COBL: variants seen among roughly 807,000 people sequenced by gnomAD.
COBL encodes cordon-bleu WH2 repeat protein.
A neutral mutation model predicts 98.8 loss-of-function variants in COBL; 51 were observed. The ratio of observed to expected loss-of-function variants is 0.52; its 90% confidence interval spans 0.41 to 0.65. The LOEUF (loss-of-function observed/expected upper bound fraction) is 0.65, where lower values mean the gene tolerates loss of function less well. COBL is among the 30% of genes least tolerant of loss of function. The pLI, the probability that COBL is intolerant of heterozygous loss-of-function variation, is 0.00. For missense variants in COBL, 1,617 were observed against 1,617.5 expected, an observed-to-expected ratio of 1.00 and a Z score of 0.01; for synonymous variants, 634 against 651.7, an observed-to-expected ratio of 0.97 and a Z score of 0.41.
At chr7:51,130,066 G>A (rs912480159) in intron 6 of COBL, among the ~76,000 whole-genome samples, 8 of 152,162 alleles carry the variant, frequency 5.3e-5, no homozygotes, top group Non-Finnish European at 7.3e-5. Context: ...AGGAAAACAG[G>A]CAGGATTCCC....
intron 12 of COBL, among the ~76,000 whole-genome samples, chr7:51,024,277 C>A (rs1787271149): frequency 6.6e-6 from 1 of 151,924 alleles, no homozygotes; most frequent in Admixed American, 6.6e-5. Flanking sequence ...TCACTGCACT[C>A]CAACCTGGGC....
At chr7:51,024,249 C>A (rs1787263758) in intron 12 of COBL, among the ~76,000 whole-genome samples, 1 of 152,144 alleles carries the variant, frequency 6.6e-6, no homozygotes, top group African/African-American at 2.4e-5. Flanking sequence ...GCGGAGCTTG[C>A]AGTGAGCCGA....
rs1423238613 is a variant in COBL, at chr7:51,029,120, C to G, written c.1976G>C (p.Arg659Thr). The change falls in exon 10 of 13, where the codon AGG becomes ACG. Residue 659 changes from arginine (R) to threonine (T), a missense_variant. Transcript: ENST00000265136. ...DKVYGCADGE[R>T]TQATERVNSQ... Reference sequence around the variant, plus strand: ...ATTCACTCTCTCTGTGGCTTGAGTCCTCTCCCCGTCAGCACAGCCATACAC... The same window carrying G: ...ATTCACTCTCTCTGTGGCTTGAGTCGTCTCCCCGTCAGCACAGCCATACAC... 6.2e-7 allele frequency: 1 copy of G among 1,614,158 alleles called. No individual in the cohort carries two copies. Among genetic ancestry groups the G allele is most frequent in the African/African-American group, 1.3e-5 (1 of 75,042 alleles).
chr7:51,295,285 C>CAAAA (rs10628772), intron 1 of COBL, among the ~76,000 whole-genome samples: 23 of 137,776 alleles, frequency 1.7e-4, no homozygotes, highest in African/African-American at 5.9e-4. Context: ...GACTCTGGCT[C>CAAAA]AAAAAAAAAA....
chr7:51,316,598 C>T lies in COBL; in HGVS notation c.36G>A (p.Pro12=). 8.3e-7 allele frequency: 1 copy of T among 1,205,186 alleles called. No homozygotes were observed. Among genetic ancestry groups the T allele is most frequent in the Non-Finnish European group, 1.0e-6 (1 of 971,074 alleles). 74.7% of individuals were successfully genotyped at this position (1,205,186 alleles called of 1,614,324 possible). ...DAPRASAAKP[P]TGRKMKARAP... ...CCGACCGCGGGGCCGCTTACCCGGT[C>T]GGGGGCTTGGCCGCCGAGGCGCGCG... Residue 12 remains proline (P), a synonymous_variant, in exon 1 of 13, where the codon CCG becomes CCA. Transcript: ENST00000265136.
intron 1 of COBL, among the ~76,000 whole-genome samples, chr7:51,231,914 G>A (rs923005498): frequency 2.0e-5 from 3 of 152,088 alleles, no homozygotes; most frequent in African/African-American, 2.4e-5. Flanking sequence ...GCAGCACCTC[G>A]GGGGGAGGGG....
intron 2 of COBL, among the ~76,000 whole-genome samples, chr7:51,208,097 T>C (rs1309938475): frequency 7.1e-6 from 1 of 140,104 alleles, no homozygotes; most frequent in Admixed American, 7.1e-5. Flanking sequence ...GTCTGGAATG[T>C]GAGGAGCGCC....
chr7:51,068,145 C>T (rs1024414700), intron 7 of COBL, among the ~76,000 whole-genome samples: 5 of 152,186 alleles, frequency 3.3e-5, no homozygotes, highest in African/African-American at 7.2e-5. Flanking sequence ...TTTTGGTAAA[C>T]ATGGTTTAAA....
intron 5 of COBL, among the ~76,000 whole-genome samples, chr7:51,180,047 G>A (rs1788785463): frequency 6.6e-6 from 1 of 152,164 alleles, no homozygotes; most frequent in African/African-American, 2.4e-5. Context: ...CATTCTACCT[G>A]ATTTCTCCAA....
chr7:51,241,496 T>C (rs955928158), intron 1 of COBL, among the ~76,000 whole-genome samples: 3 of 152,070 alleles, frequency 2.0e-5, no homozygotes, highest in African/African-American at 4.8e-5. Flanking sequence ...AAACCAATGC[T>C]CCTCGGCCGT....
chr7:51,058,024 A>G (rs959319105), intron 7 of COBL, among the ~76,000 whole-genome samples: 5 of 152,234 alleles, frequency 3.3e-5, no homozygotes, highest in Non-Finnish European at 5.9e-5. Context: ...TCATATAGAA[A>G]GTAAGGAAAA....
At chr7:51,250,133 A>G (rs1352802164) in intron 1 of COBL, among the ~76,000 whole-genome samples, 1 of 151,926 alleles carries the variant, frequency 6.6e-6, no homozygotes, top group African/African-American at 2.4e-5. Flanking sequence ...AATACAGAGT[A>G]GACACTCCCT....
chr7:51,020,453 C>T (rs889774227), intron 12 of COBL, among the ~76,000 whole-genome samples: 3 of 152,146 alleles, frequency 2.0e-5, no homozygotes, highest in African/African-American at 4.8e-5. Flanking sequence ...CGACAGTGCC[C>T]GGACCCTAGT....
intron 6 of COBL, among the ~76,000 whole-genome samples, chr7:51,128,964 C>T (rs542354997): frequency 2.6e-4 from 40 of 152,334 alleles, no homozygotes; most frequent in African/African-American, 4.6e-4. Context: ...CTCTGGCACT[C>T]GCACTTTTCA....
At chr7:51,049,719 G>A (rs1445868350) in intron 7 of COBL, among the ~76,000 whole-genome samples, 1 of 152,200 alleles carries the variant, frequency 6.6e-6, no homozygotes, top group Non-Finnish European at 1.5e-5. Flanking sequence ...ATGGGAAAAA[G>A]CAGAGAAATG....
At chr7:51,291,393 A>C (rs1224500332) in intron 1 of COBL, among the ~76,000 whole-genome samples, 2 of 152,244 alleles carry the variant, frequency 1.3e-5, no homozygotes, top group East Asian at 3.8e-4. Flanking sequence ...GGGAAATTTA[A>C]GTATGGACAG....
intron 7 of COBL, among the ~76,000 whole-genome samples, chr7:51,083,553 G>A (rs1159889805): frequency 2.0e-5 from 3 of 152,270 alleles, no homozygotes; most frequent in East Asian, 3.9e-4. Context: ...CAACACCCTC[G>A]ACAGAGCTTT....
chr7:51,148,250 G>A (rs1337171597), intron 5 of COBL, among the ~76,000 whole-genome samples: 1 of 152,102 alleles, frequency 6.6e-6, no homozygotes, highest in African/African-American at 2.4e-5. Context: ...AGAGTGACTG[G>A]GGGGTGGGCT....
chr7:51,297,782 A>C (rs1584436658), intron 1 of COBL, among the ~76,000 whole-genome samples: 1 of 152,300 alleles, frequency 6.6e-6, no homozygotes, highest in Non-Finnish European at 1.5e-5. Flanking sequence ...CAACCATCAG[A>C]AAGGTTTGTA....
Sources: gnomAD v4.1 joint callset for allele counts (sites outside exome capture counted in the v4.1 genomes callset) on GRCh38, gnomAD v4.1.1 for gene constraint, MANE v1.5 for transcripts, NCBI Gene and HGNC (gene_info 2026-07-23, HGNC 2026-07-21) for gene names.